SPON1: variants seen among roughly 807,000 people sequenced by gnomAD.
SPON1 encodes the protein spondin 1.
In SPON1, 52 loss-of-function variants were observed where a neutral mutation model predicts 111.7. That is an observed-to-expected ratio of 0.47 (90% CI 0.37 to 0.59). The LOEUF (loss-of-function observed/expected upper bound fraction) is 0.59. Among genes scored for constraint, SPON1 ranks in the 20% least tolerant of loss-of-function variants. SPON1 has a pLI of 0.00. For missense variants in SPON1, 957 were observed against 1,068.5 expected (o/e 0.90, Z 1.46); for synonymous variants, 410 against 395.8 (o/e 1.04, Z -0.43).
chr11:13,983,784 T>C (rs1848162214), intron 2 of SPON1, among the ~76,000 whole-genome samples: 1 of 152,186 alleles, frequency 6.6e-6, no homozygotes, highest in Non-Finnish European at 1.5e-5. Flanking sequence ...TGTTCTGGAA[T>C]TCATTTTTAT....
chr11:14,129,088 C>T (rs139893519), intron 5 of SPON1, among the ~76,000 whole-genome samples: 24 of 152,308 alleles, frequency 1.6e-4, no homozygotes, highest in African/African-American at 5.5e-4. Context: ...CTGAAATGCC[C>T]TTGGAGACAT....
At chr11:14,090,827 C>A (rs12223979) in intron 5 of SPON1, among the ~76,000 whole-genome samples, 4,175 of 11,710 alleles carry the variant, frequency 0.36, 260 homozygotes, top group Middle Eastern at 0.54. Context: ...TTATCTGGCC[C>A]CCCCCCCCCC....
At chr11:14,137,319 A>G (rs1319831885) in intron 6 of SPON1, among the ~76,000 whole-genome samples, 1 of 152,152 alleles carries the variant, frequency 6.6e-6, no homozygotes, top group Non-Finnish European at 1.5e-5. Context: ...GTTCCTAATC[A>G]GCATGGCTGT....
At chr11:14,209,497 T>A (rs1848552132) in intron 6 of SPON1, among the ~76,000 whole-genome samples, 1 of 152,154 alleles carries the variant, frequency 6.6e-6, no homozygotes, top group Non-Finnish European at 1.5e-5. Context: ...CACTTATGAA[T>A]GAGAACATAC....
intron 3 of SPON1, among the ~76,000 whole-genome samples, chr11:14,067,632 C>T (rs1554920490): frequency 6.6e-6 from 1 of 152,182 alleles, no homozygotes; most frequent in East Asian, 1.9e-4. Flanking sequence ...AGCTCTACTG[C>T]GAAGTTCCTG....
At chr11:14,180,487 C>T (rs1848225821) in intron 6 of SPON1, among the ~76,000 whole-genome samples, 1 of 152,204 alleles carries the variant, frequency 6.6e-6, no homozygotes, top group Non-Finnish European at 1.5e-5. Context: ...TGCCCATTCC[C>T]CTACTCCTTT....
intron 2 of SPON1, among the ~76,000 whole-genome samples, chr11:14,006,760 C>G (rs1423777854): frequency 1.3e-5 from 2 of 152,160 alleles, no homozygotes; most frequent in African/African-American, 4.8e-5. Context: ...CCTGAATGAA[C>G]ACATCTTTTC....
chr11:13,980,200 C>G (rs1208733049), intron 1 of SPON1, among the ~76,000 whole-genome samples: 1 of 152,060 alleles, frequency 6.6e-6, no homozygotes, highest in African/African-American at 2.4e-5. Context: ...GCCACCATGT[C>G]CGGCTAATTT....
chr11:14,001,727 G>T (rs1158459669), intron 2 of SPON1, among the ~76,000 whole-genome samples: 1 of 152,100 alleles, frequency 6.6e-6, no homozygotes, highest in Non-Finnish European at 1.5e-5. Flanking sequence ...GGAGTTTCTA[G>T]GGAAAACCAA....
In SPON1 at chr11:14,228,371, C is replaced by T. The variant is rs114717335; in HGVS notation, c.826-14961C>T. 7.9e-3 allele frequency among the ~76,000 whole-genome samples: 1,207 copies of T among 152,294 alleles called. 14 individuals are homozygous for T. The highest frequency in any genetic ancestry group is 0.027 in the African/African-American group (1,133 of 41,550). On this transcript the variant is annotated intron_variant, in intron 6 of 15. Transcript: ENST00000576479. The surrounding 1 kb of genome is among the most constrained non-coding windows in gnomAD (Gnocchi z 4.2). ...GCAGCTGGGTTCTCTGGGAAGGAGACCTGCATCAAGATTAGAGTGCAGGAA... is the reference window on the plus strand; with the variant it reads ...GCAGCTGGGTTCTCTGGGAAGGAGATCTGCATCAAGATTAGAGTGCAGGAA...
At chr11:14,161,538 C>G (rs1184973265) in intron 6 of SPON1, among the ~76,000 whole-genome samples, 2 of 151,342 alleles carry the variant, frequency 1.3e-5, no homozygotes, top group African/African-American at 4.9e-5. Flanking sequence ...AGGCTGGTCT[C>G]AAACTCCTGA....
chr11:14,041,782 A>C, intron 3 of SPON1, 128 bp downstream of exon 3: 1 of 989,120 alleles, frequency 1.0e-6, no homozygotes, highest in Non-Finnish European at 1.5e-6. Flanking sequence ...CCTTATCTGA[A>C]TTCTCAATAG....
At chr11:14,070,220 C>T (rs551879538) in intron 3 of SPON1, among the ~76,000 whole-genome samples, 2 of 152,294 alleles carry the variant, frequency 1.3e-5, no homozygotes, top group East Asian at 3.9e-4. Flanking sequence ...ACTGGACCAA[C>T]TCTATGGAAA....
intron 5 of SPON1, among the ~76,000 whole-genome samples, chr11:14,122,264 C>G (rs1268198204): frequency 6.6e-6 from 1 of 152,176 alleles, no homozygotes; most frequent in Non-Finnish European, 1.5e-5. Context: ...AGCTCTACCT[C>G]CCAGGTTCAT....
chr11:14,041,855 A>G (rs1848634051), intron 3 of SPON1, among the ~76,000 whole-genome samples: 1 of 152,100 alleles, frequency 6.6e-6, no homozygotes, highest in Non-Finnish European at 1.5e-5. Context: ...CTCTATTTTC[A>G]TCAAATAGGA....
Position 14,262,839 on chromosome 11 carries a change from G to T in SPON1, c.2124G>T (p.Glu708Asp). The change falls in exon 15 of 16, where the codon GAG becomes GAT. Residue 708 changes from glutamate to aspartate, a missense_variant. By Grantham distance (45) the Glu-to-Asp change is conservative (BLOSUM62 2). Coordinates refer to ENST00000576479, the MANE Select transcript of SPON1 (RefSeq NM_006108.4). ...AGTTTGGAGGTGCACCCTGCCCAGA[G>T]ACTGTGCAGCGAAAAAAGTGCCGCA... ...EPQFGGAPCP[E>D]TVQRKKCRIR... 1 of 1,613,918 alleles carries T rather than the reference G, an allele frequency of 6.2e-7. No individual in the cohort carries two copies. The highest frequency in any genetic ancestry group is 8.5e-7 in the Non-Finnish European group (1 of 1,179,892).
intron 6 of SPON1, among the ~76,000 whole-genome samples, chr11:14,160,707 ATT>A (rs1168785076): frequency 3.9e-4 from 6 of 15,192 alleles, no homozygotes; most frequent in African/African-American, 2.6e-3. Flanking sequence ...ATTTATATAT[ATT>A]TATATATATT....
At chr11:13,987,628 T>C (rs559694976) in intron 2 of SPON1, among the ~76,000 whole-genome samples, 106 of 152,332 alleles carry the variant, frequency 7.0e-4, no homozygotes, top group African/African-American at 2.3e-3. Context: ...TCTTTGCCCA[T>C]GCTTATGTCC....
intron 9 of SPON1, 107 bp from the exon 10 acceptor site, chr11:14,256,510 C>A: frequency 1.4e-6 from 1 of 716,240 alleles, no homozygotes; most frequent in Non-Finnish European, 2.3e-6. Flanking sequence ...CCATGGCATA[C>A]GATTTGTATA....
Sources: allele counts gnomAD v4.1 joint callset (sites outside exome capture counted in the v4.1 genomes callset), GRCh38; gene constraint gnomAD v4.1.1; non-coding constraint Gnocchi (gnomAD v3.1); transcripts MANE v1.5; gene names NCBI Gene and HGNC (gene_info 2026-07-23, HGNC 2026-07-21).